Variants in TNRC6B observed in about 807,000 individuals in gnomAD.
The protein encoded by TNRC6B is trinucleotide repeat containing adaptor 6B.
Under a neutral mutation model 203.6 loss-of-function variants are expected in TNRC6B, and 52 were observed. The observed-to-expected ratio is 0.26, with a 90% CI of 0.20 to 0.32. The LOEUF (loss-of-function observed/expected upper bound fraction) is 0.32, where lower values mean the gene tolerates loss of function less well. Among genes scored for constraint, TNRC6B ranks in the 10% least tolerant of loss-of-function variants. The pLI, the probability that TNRC6B is intolerant of heterozygous loss-of-function variation, is 1.00. For synonymous variants in TNRC6B, 838 were observed against 845.7 expected (o/e 0.99, Z 0.16); for missense variants, 1,923 against 2,286.2 (o/e 0.84, Z 3.24).
intron 3 of TNRC6B, among the ~76,000 whole-genome samples, chr22:40,140,422 A>G (rs1049560818): frequency 3.3e-5 from 5 of 152,218 alleles, no homozygotes; most frequent in Non-Finnish European, 5.9e-5. Context: ...GCTACATGGA[A>G]CACAGACATG....
intron 1 of TNRC6B, among the ~76,000 whole-genome samples, chr22:40,066,698 T>C (rs995771320): frequency 2.0e-5 from 3 of 152,100 alleles, no homozygotes; most frequent in Non-Finnish European, 4.4e-5. Context: ...GAAAAATAAC[T>C]TTAGTTTGAA....
chr22:40,226,171 G>A, intron 1 of TNRC6B, among the ~76,000 whole-genome samples: 1 of 152,152 alleles, frequency 6.6e-6, no homozygotes, highest in Non-Finnish European at 1.5e-5. Flanking sequence ...TATTCAGCTT[G>A]CTAAATTTAA....
chr22:40,062,725 G>A (rs1263753406), intron 1 of TNRC6B, among the ~76,000 whole-genome samples: 1 of 152,028 alleles, frequency 6.6e-6, no homozygotes, highest in Non-Finnish European at 1.5e-5. Flanking sequence ...TTTTGAGCAC[G>A]TTTTCATGCA....
chr22:40,286,298 G>A (rs924864135), intron 12 of TNRC6B, among the ~76,000 whole-genome samples: 1 of 152,126 alleles, frequency 6.6e-6, no homozygotes, highest in Non-Finnish European at 1.5e-5. Context: ...GGCCAACATG[G>A]CGAAACCCTG....
At chr22:40,189,600 T>C (rs1178128374) in intron 1 of TNRC6B, among the ~76,000 whole-genome samples, 1 of 152,184 alleles carries the variant, frequency 6.6e-6, no homozygotes, top group Non-Finnish European at 1.5e-5. Context: ...GGAATGTGCA[T>C]TGGAAATCTT....
At chr22:40,068,314 CTTTTG>C (rs946834189) in intron 1 of TNRC6B, among the ~76,000 whole-genome samples, 1 of 151,812 alleles carries the variant, frequency 6.6e-6, no homozygotes, top group Admixed American at 6.6e-5. Context: ...GTGGTTTGTT[CTTTTG>C]TTTTGTTTTG....
intron 3 of TNRC6B, among the ~76,000 whole-genome samples, chr22:40,254,598 C>A (rs1390668737): frequency 6.6e-6 from 1 of 152,138 alleles, no homozygotes; most frequent in African/African-American, 2.4e-5. Flanking sequence ...TCTTAAACTG[C>A]ATTAATAGGC....
At position 40,264,950 on chromosome 22, in the gene TNRC6B, A is replaced by G; in HGVS notation, c.720A>G (p.Gly240=). The G allele has an allele frequency of 6.2e-7, 1 of 1,613,924 alleles. No homozygotes were observed. The highest frequency in any genetic ancestry group is 1.1e-5 in the South Asian group (1 of 91,072). Residue 240 remains glycine, a synonymous_variant, in exon 5 of 23, where the codon GGA becomes GGG. Coordinates refer to ENST00000454349, the MANE Select transcript of TNRC6B (RefSeq NM_001162501.2). Reference sequence around the variant, plus strand: ...CAGGAAGCACCACTAGTAACAAAGGAAAAGGGAGCCAGTGCCAGTCTGCAA... The same window carrying G: ...CAGGAAGCACCACTAGTAACAAAGGGAAAGGGAGCCAGTGCCAGTCTGCAA... The part of the protein sequence containing the change: ...TLPGSTTSNK[G]KGSQCQSASS...
At chr22:40,115,065 A>G (rs534169249) in intron 1 of TNRC6B, among the ~76,000 whole-genome samples, 328 of 152,338 alleles carry the variant, frequency 2.2e-3, no homozygotes, top group Non-Finnish European at 3.9e-3. Context: ...CAGTTTCCCT[A>G]GCCTACCTGT....
chr22:40,149,080 G>C (rs1298874380), intron 3 of TNRC6B, among the ~76,000 whole-genome samples: 3 of 152,194 alleles, frequency 2.0e-5, no homozygotes. Context: ...ACATATGTGA[G>C]TGTTCATAGC....
At chr22:40,271,858 T>G (rs1204605369) in intron 6 of TNRC6B, among the ~76,000 whole-genome samples, 1 of 152,220 alleles carries the variant, frequency 6.6e-6, no homozygotes, top group Admixed American at 6.5e-5. Flanking sequence ...ACCATCATAG[T>G]CTACCAGTTG....
chr22:40,083,565 T>A (rs1047427351), intron 1 of TNRC6B, among the ~76,000 whole-genome samples: 1 of 152,188 alleles, frequency 6.6e-6, no homozygotes, highest in African/African-American at 2.4e-5. Flanking sequence ...GAATAATTTT[T>A]GTTTATCTTT....
intron 3 of TNRC6B, among the ~76,000 whole-genome samples, chr22:40,255,716 T>G (rs561469904): frequency 1.6e-4 from 25 of 152,320 alleles, no homozygotes; most frequent in African/African-American, 6.0e-4. Flanking sequence ...GACAAATTCC[T>G]TGCCCAATCT....
chr22:40,166,708 A>C lies in TNRC6B; in HGVS notation c.113+10526A>C, dbSNP rs541034296. Among the ~76,000 whole-genome samples the C allele has an allele frequency of 3.9e-5, 6 of 152,158 alleles. No individual in the cohort carries two copies. In the South Asian group the frequency reaches 1.0e-3, roughly 26 times the overall value. On this transcript the variant is annotated intron_variant, in intron 4 of 23. Coordinates refer to the TNRC6B transcript ENST00000301923. Reference sequence around the variant, plus strand: ...TCAGGAGTTTGAGACCAGCCTGGCCAACATGGTGAAACCCCGTCTCTACTG... The same window carrying C: ...TCAGGAGTTTGAGACCAGCCTGGCCCACATGGTGAAACCCCGTCTCTACTG...
chr22:40,182,371 C>G (rs185981917), intron 1 of TNRC6B, among the ~76,000 whole-genome samples: 13 of 152,330 alleles, frequency 8.5e-5, no homozygotes, highest in African/African-American at 3.1e-4. Context: ...AGAGGGACAG[C>G]ATATGCTAAT....
intron 1 of TNRC6B, among the ~76,000 whole-genome samples, chr22:40,210,415 A>G (rs1601886656): frequency 1.3e-5 from 2 of 152,226 alleles, no homozygotes; most frequent in Non-Finnish European, 2.9e-5. Flanking sequence ...GCAAAATTTG[A>G]TCTTTAAAAA....
At chr22:40,179,489 A>G (rs1318996306) in intron 1 of TNRC6B, among the ~76,000 whole-genome samples, 1 of 152,214 alleles carries the variant, frequency 6.6e-6, no homozygotes, top group African/African-American at 2.4e-5. Context: ...AATCTGTTAC[A>G]AAGTATAGTT....
chr22:40,182,248 A>G (rs563980596), intron 1 of TNRC6B, among the ~76,000 whole-genome samples: 1 of 152,182 alleles, frequency 6.6e-6, no homozygotes, highest in East Asian at 1.9e-4. Flanking sequence ...CCGTCTCAAA[A>G]AAAAAAGAAA....
At chr22:40,213,115 A>C (rs2069587203) in intron 1 of TNRC6B, among the ~76,000 whole-genome samples, 1 of 152,178 alleles carries the variant, frequency 6.6e-6, no homozygotes, top group African/African-American at 2.4e-5. Context: ...TTTTATGGAA[A>C]ACTTTTCTGT....
Sources: allele counts gnomAD v4.1 joint callset (sites outside exome capture counted in the v4.1 genomes callset), GRCh38; gene constraint gnomAD v4.1.1; transcripts MANE v1.5; gene names NCBI Gene and HGNC (gene_info 2026-07-23, HGNC 2026-07-21).